MYH7B: variants seen among roughly 807,000 people sequenced by gnomAD.
The protein encoded by MYH7B is myosin heavy chain 7B.
Under a neutral mutation model 234.5 loss-of-function variants are expected in MYH7B, and 205 were observed. The ratio of observed to expected loss-of-function variants is 0.87; its 90% CI spans 0.78 to 0.98. The LOEUF (loss-of-function observed/expected upper bound fraction) is 0.98, where lower values mean the gene tolerates loss of function less well. Ranked by LOEUF, MYH7B falls within the 50% of genes least tolerant of loss-of-function variation. The probability of loss-of-function intolerance (pLI) is 0.00; values close to 1 mark genes in which losing one functional copy is unlikely to be tolerated. For missense variants in MYH7B, 2,652 were observed against 2,633.4 expected, an observed-to-expected ratio of 1.01 and a Z score of -0.15; for synonymous variants, 1,193 against 1,105.0, an observed-to-expected ratio of 1.08 and a Z score of -1.58.
intron 10 of MYH7B, among the ~76,000 whole-genome samples, chr20:34,983,040 A>T (rs920969987): frequency 9.9e-5 from 15 of 152,182 alleles, no homozygotes; most frequent in Non-Finnish European, 1.8e-4. Flanking sequence ...AAATTTCTGA[A>T]ACAATGGGGC....
chr20:34,977,569 A>G (rs961376279), intron 3 of MYH7B, 63 bp from the exon 4 acceptor site: 3 of 1,512,404 alleles, frequency 2.0e-6, no homozygotes, highest in African/African-American at 2.7e-5. Flanking sequence ...TCCTGTGGCC[A>G]GGCTGGGGGG....
intron 19 of MYH7B, 140 bp downstream of exon 19, chr20:34,988,402 G>A (rs7261167): frequency 0.1 from 97,930 of 958,570 alleles, 6,165 homozygotes; most frequent in African/African-American, 0.25. Context: ...GCATGCATGT[G>A]AGTGTAGTTG....
rs2082038095 is a variant in MYH7B, at chr20:34,986,979, T to C, written c.998T>C (p.Ile333Thr). 10 of 1,613,618 alleles carry C rather than the reference T, an allele frequency of 6.2e-6. No homozygotes were observed. The South Asian group carries it at 9.9e-5, about 16-fold the overall frequency. The stretch of plus-strand genomic sequence containing the variant: ...AACATGAATGATGGGGAGGAGCTCA[T>C]CGCCACCGACGTATGAGCTCTGGTG... Residue 333 changes from isoleucine to threonine, a missense_variant, in exon 15 of 45, where the codon ATC (isoleucine) becomes ACC (threonine). By Grantham distance (89) the Ile-to-Thr change is moderately conservative (BLOSUM62 -1). Around this residue, in one of 3 missense-constraint regions of MYH7B, gnomAD observed 2,279 missense variants for 2,211.4 expected, o/e 1.03. Coordinates refer to ENST00000262873, the Ensembl canonical transcript of MYH7B.
At chr20:34,991,567 G>T (rs1038466601) in intron 24 of MYH7B, among the ~76,000 whole-genome samples, 2 of 152,178 alleles carry the variant, frequency 1.3e-5, no homozygotes, top group African/African-American at 2.4e-5. Flanking sequence ...GAAAAGTCAT[G>T]GGGGAGATTG....
chr20:34,996,443 T>C, exon 29 of MYH7B: 1 of 1,613,460 alleles, frequency 6.2e-7, no homozygotes, highest in South Asian at 1.1e-5. Flanking sequence ...CAACAGGCCC[T>C]GGGTGACCTG....
chr20:34,961,433 A>C (rs1009112650), intron 2 of MYH7B, among the ~76,000 whole-genome samples: 1 of 152,088 alleles, frequency 6.6e-6, no homozygotes, highest in African/African-American at 2.4e-5. Flanking sequence ...TGACCCCCCA[A>C]CCCAAGAAGT....
rs2082105336 is a variant in MYH7B at position 34,989,784 on chromosome 20, C to T, written c.1632C>T (p.Pro544=). Reference sequence around the variant, plus strand: ...TCCTGGAGGAGGAATGCATGTTCCCCAAGGCCTCAGACGCCAGCTTCCGGG... The same window carrying T: ...TCCTGGAGGAGGAATGCATGTTCCCTAAGGCCTCAGACGCCAGCTTCCGGG... Residue 544 remains proline, a synonymous_variant, in exon 20 of 45, where the codon CCC becomes CCT. Coordinates refer to ENST00000262873, the Ensembl canonical transcript of MYH7B. 3 of 1,614,156 alleles carry T rather than the reference C, an allele frequency of 1.9e-6. No individual in the cohort carries two copies. The African/African-American group carries it at 4.0e-5, about 22-fold the overall frequency.
chr20:34,995,702 C>T, intron 28 of MYH7B, 124 bp downstream of exon 28: 1 of 1,410,074 alleles, frequency 7.1e-7, no homozygotes, highest in African/African-American at 1.4e-5. Context: ...ATGTCACTGC[C>T]TTTCCTGGGC....
chr20:34,982,315 A>G, intron 9 of MYH7B, 144 bp from the exon 10 acceptor site: 1 of 688,852 alleles, frequency 1.5e-6, no homozygotes. Context: ...CTTGCTTTGT[A>G]CACCTCTGAG....
intron 2 of MYH7B, among the ~76,000 whole-genome samples, chr20:34,958,561 G>A (rs1315235658): frequency 6.6e-6 from 1 of 152,116 alleles, no homozygotes; most frequent in East Asian, 1.9e-4. Flanking sequence ...TGTCTCCTGG[G>A]TTCAAACAAT....
exon 17 of MYH7B, chr20:34,987,671 A>G (rs1159628351): frequency 3.1e-6 from 5 of 1,612,562 alleles, no homozygotes; most frequent in Non-Finnish European, 4.2e-6. Flanking sequence ...CAGAGTGTGG[A>G]GCAGGTGAGC....
chr20:34,964,057 A>C (rs1421110343), intron 2 of MYH7B, among the ~76,000 whole-genome samples: 1 of 152,128 alleles, frequency 6.6e-6, no homozygotes, highest in Non-Finnish European at 1.5e-5. Flanking sequence ...TTTTATTACT[A>C]TATATGGTAA....
rs368381354 is a variant in MYH7B at position 34,998,507 on chromosome 20, G to C, written c.3875-4G>C. Reference sequence around the variant, plus strand: ...GACCTGTCCGCTCGCCTCTTTGCCTGCAGGGGAGCTGAGTCGCCTGCTAGA... The same window carrying C: ...GACCTGTCCGCTCGCCTCTTTGCCTCCAGGGGAGCTGAGTCGCCTGCTAGA... On this transcript the variant is annotated splice_polypyrimidine_tract_variant and splice_region_variant and intron_variant, in intron 33 of 44. Transcript: ENST00000262873. The C allele has an allele frequency of 6.0e-5, 96 of 1,613,312 alleles. No homozygotes were observed. The highest frequency in any genetic ancestry group is 2.6e-5 in the Non-Finnish European group (31 of 1,180,002).
At position 34,993,233 on chromosome 20, in the gene MYH7B, C is replaced by T. The variant is rs374511084; in HGVS notation, c.2307+8C>T. 1.7e-4 allele frequency: 273 copies of T among 1,613,918 alleles called. No homozygotes were observed. The highest frequency in any genetic ancestry group is 2.3e-4 in the Non-Finnish European group (270 of 1,179,922). On this transcript the variant is annotated splice_region_variant and intron_variant, in intron 25 of 44. Transcript: ENST00000262873. The stretch of plus-strand genomic sequence containing the variant: ...CAGTTTGGCCACACCAAGGTCGGGG[C>T]ACTGTGGGATCAGGGCTGGCCATGG...
In MYH7B at chr20:34,997,251, G is replaced by T. The variant is rs1207633484; in HGVS notation, c.3358G>T (p.Ala1120Ser). The T allele has an allele frequency of 7.7e-6, 12 of 1,557,756 alleles. No individual in the cohort carries two copies. Among genetic ancestry groups the T allele is most frequent in the Non-Finnish European group, 1.0e-5 (12 of 1,152,006 alleles). Residue 1120 changes from alanine to serine, a missense_variant and splice_region_variant, in exon 32 of 45, where the codon GCT becomes TCT. Coordinates refer to ENST00000262873, the Ensembl canonical transcript of MYH7B. The stretch of plus-strand genomic sequence containing the variant: ...CAGCTGCCCCACGTGCCCACCCCAG[G>T]CTCGGGCGGAGGAGCTGGAAGAGGA...
chr20:34,986,988 A>G (rs768698709), exon 15 of MYH7B: 4 of 1,612,712 alleles, frequency 2.5e-6, no homozygotes, highest in Non-Finnish European at 3.4e-6. Flanking sequence ...ATCGCCACCG[A>G]CGTATGAGCT....
chr20:34,988,050 A>C, intron 18 of MYH7B, 42 bp from the exon 19 acceptor site: 15 of 1,591,492 alleles, frequency 9.4e-6, no homozygotes, highest in Non-Finnish European at 1.3e-5. Context: ...CCCTTTCCCC[A>C]TCTGCGAGAG....
At chr20:34,988,097 C>G in exon 19 of MYH7B, 1 of 1,612,760 alleles carries the variant, frequency 6.2e-7, no homozygotes, top group South Asian at 1.1e-5. Context: ...TGTAGTTCAA[C>G]AGCTTCGAAC....
rs372505798 is a variant in MYH7B, at chr20:34,997,516, C to T, written c.3623C>T (p.Ala1208Val). 376 of 1,598,676 alleles carry T rather than the reference C, an allele frequency of 2.4e-4. No homozygotes were observed. Among genetic ancestry groups the T allele is most frequent in the Admixed American group, 9.8e-4 (57 of 58,438 alleles). Reference sequence around the variant, plus strand: ...CGGCGCAAGCAGGCGGAGGGCGCGGCGGAGCTGGGGGAGCAGGTGGACAGC... The same window carrying T: ...CGGCGCAAGCAGGCGGAGGGCGCGGTGGAGCTGGGGGAGCAGGTGGACAGC... Residue 1208 changes from alanine (A) to valine (V), a missense_variant, in exon 32 of 45, where the codon GCG (alanine) becomes GTG (valine). Ala to Val is a moderately conservative substitution (Grantham distance 64). Coordinates refer to ENST00000262873, the Ensembl canonical transcript of MYH7B.
Sources: allele counts gnomAD v4.1 joint callset (sites outside exome capture counted in the v4.1 genomes callset), GRCh38; gene constraint gnomAD v4.1.1; regional missense constraint gnomAD v4.1.1; transcripts MANE v1.5; gene names NCBI Gene and HGNC (gene_info 2026-07-23, HGNC 2026-07-21).